The following FAM234B variants were observed in gnomAD, a reference collection of about 807,000 sequenced individuals.
FAM234B encodes the protein protein FAM234B.
A neutral mutation model predicts 69.3 loss-of-function variants in FAM234B; 33 were observed. The observed-to-expected ratio is 0.48, with a 90% CI of 0.36 to 0.64. The LOEUF (loss-of-function observed/expected upper bound fraction) is 0.64, where lower values mean the gene tolerates loss of function less well. Ranked by LOEUF, FAM234B falls within the 30% of genes least tolerant of loss-of-function variation. The probability of loss-of-function intolerance (pLI) is 0.00; values close to 1 mark genes in which losing one functional copy is unlikely to be tolerated. For synonymous variants in FAM234B, 306 were observed against 306.9 expected, an observed-to-expected ratio of 1.00 and a Z score of 0.03; for missense variants, 697 against 769.7, an observed-to-expected ratio of 0.91 and a Z score of 1.12.
At chr12:13,068,192 T>G in intron 7 of FAM234B, 112 bp from the exon 8 acceptor site, 1 of 999,322 alleles carries the variant, frequency 1.0e-6, no homozygotes. Context: ...TGGTGGGGCA[T>G]GAATACAAGA....
chr12:13,051,159 C>A (rs1338936379), intron 1 of FAM234B, among the ~76,000 whole-genome samples: 2 of 152,210 alleles, frequency 1.3e-5, no homozygotes, highest in African/African-American at 2.4e-5. Flanking sequence ...ACAGACCAAT[C>A]TGACAGCAGC....
intron 7 of FAM234B, 23 bp from the exon 8 acceptor site, chr12:13,068,281 C>T (rs781290834): frequency 5.0e-6 from 8 of 1,613,632 alleles, no homozygotes; most frequent in African/African-American, 2.7e-5. Context: ...AGAGACTAAC[C>T]GTTGGGGTCT....
intron 10 of FAM234B, among the ~76,000 whole-genome samples, chr12:13,072,729 C>CAA (rs55734917): frequency 4.4e-5 from 4 of 89,996 alleles, no homozygotes; most frequent in Non-Finnish European, 5.4e-5. Flanking sequence ...GACTTTGTCT[C>CAA]AAAAAAAAAA....
Position 13,046,635 on chromosome 12 carries a change from T to A in FAM234B, c.37+2195T>A, listed in dbSNP as rs921816070. ...ACCACAATGCCCAGCTAATTTTGTA[T>A]TTTTAGTAGAGACAGGGTTTCTCCA... On this transcript the variant is annotated intron_variant, in intron 1 of 12. Transcript: ENST00000197268. Among the ~76,000 whole-genome samples the A allele has an allele frequency of 2.0e-5, 3 of 152,276 alleles. No homozygotes were observed. The South Asian group carries it at 6.2e-4, about 32-fold the overall frequency.
Position 13,079,816 on chromosome 12 carries a change from C to T in FAM234B, c.1670C>T (p.Ala557Val), listed in dbSNP as rs201437931. The part of the protein sequence containing the change: ...EVGINDLWKD[A>V]FYVTRTTGPS... ...GGAATTAACGACCTCTGGAAAGATG[C>T]CTTTTATGTTACCAGGACAACAGGG... The change falls in exon 12 of 13, where the codon GCC (alanine) becomes GTC (valine). Residue 557 changes from alanine to valine, a missense_variant. This residue lies in a region of FAM234B where 313 missense variants were observed against 305.5 expected (regional missense o/e 1.02). Coordinates refer to ENST00000197268, the MANE Select transcript of FAM234B (RefSeq NM_020853.2). 1 of 1,613,774 alleles carries T rather than the reference C, an allele frequency of 6.2e-7. No homozygotes were observed. Among genetic ancestry groups the T allele is most frequent in the Non-Finnish European group, 8.5e-7 (1 of 1,179,778 alleles).
At position 13,044,499 on chromosome 12, in the gene FAM234B, C is replaced by A; in HGVS notation, c.37+59C>A. The A allele has an allele frequency of 6.5e-7, 1 of 1,533,020 alleles. No individual in the cohort carries two copies. Among genetic ancestry groups the A allele is most frequent in the Non-Finnish European group, 8.8e-7 (1 of 1,131,926 alleles). The allele number at this position is 1,533,020 out of a possible 1,614,324, so 95.0% of individuals were successfully genotyped here. ...CCGCCGGTGTTGGAATAAGGGGAGGCGAGGCTCTGGGGGCGAGGCCGGTCG... is the reference window on the plus strand; with the variant it reads ...CCGCCGGTGTTGGAATAAGGGGAGGAGAGGCTCTGGGGGCGAGGCCGGTCG... On this transcript the variant is annotated intron_variant, in intron 1 of 12. Coordinates refer to ENST00000197268, the MANE Select transcript of FAM234B (RefSeq NM_020853.2). The surrounding 1 kb of genome is among the most constrained non-coding windows in gnomAD (Gnocchi z 5.6).
In FAM234B at chr12:13,055,595, G is replaced by GCGT. The variant is rs1286036133; in HGVS notation, c.83_84insGTC (p.Ala28_Asp29insSer). ...AGGGGAGTATGATCCACTTACCCAGGCTGACAGTGATGAGAGCGAAGACGA... is the reference window on the plus strand; with the variant it reads ...AGGGGAGTATGATCCACTTACCCAGGCGTCTGACAGTGATGAGAGCGAAGACGA... On this transcript the variant is annotated inframe_insertion, in exon 2 of 13. Transcript: ENST00000197268. 1 of 1,613,156 alleles carries GCGT rather than the reference G, an allele frequency of 6.2e-7. No individual in the cohort carries two copies. Among genetic ancestry groups the GCGT allele is most frequent in the East Asian group, 2.2e-5 (1 of 44,828 alleles).
At chr12:13,050,311 T>A (rs914521972) in intron 1 of FAM234B, among the ~76,000 whole-genome samples, 2 of 152,218 alleles carry the variant, frequency 1.3e-5, no homozygotes, top group African/African-American at 4.8e-5. Flanking sequence ...TAATTTTTTT[T>A]ATGTTAAACT....
In FAM234B at chr12:13,057,735, G is replaced by A. The variant is rs73068954; in HGVS notation, c.434-716G>A. On this transcript the variant is annotated intron_variant, in intron 2 of 12. Transcript: ENST00000197268. The stretch of plus-strand genomic sequence containing the variant: ...TGGGTGGTGGGGGGATGGAAGTCCA[G>A]ACTCCTCACTAGGCCTCTGCTGACA... Among the ~76,000 whole-genome samples the A allele has an allele frequency of 3.3e-3, 501 of 152,326 alleles. 2 individuals are homozygous for A. The highest frequency in any genetic ancestry group is 0.02 in the Middle Eastern group (6 of 294).
chr12:13,051,186 G>A (rs944975556), intron 1 of FAM234B, among the ~76,000 whole-genome samples: 1 of 152,142 alleles, frequency 6.6e-6, no homozygotes, highest in South Asian at 2.1e-4. Flanking sequence ...CTCAAAGAAT[G>A]CTTCAAATTG....
chr12:13,049,048 T>C (rs1304166829), intron 1 of FAM234B, among the ~76,000 whole-genome samples: 2 of 152,240 alleles, frequency 1.3e-5, no homozygotes, highest in Non-Finnish European at 2.9e-5. Context: ...ACAATTCAAG[T>C]TGAGATTTGG....
chr12:13,053,566 G>C (rs1482061220), intron 1 of FAM234B, among the ~76,000 whole-genome samples: 2 of 152,176 alleles, frequency 1.3e-5, no homozygotes, highest in Non-Finnish European at 2.9e-5. Flanking sequence ...GATTTTAAAA[G>C]GGGAGGGGGT....
chr12:13,063,581 C>T (rs889739442), intron 5 of FAM234B, among the ~76,000 whole-genome samples: 1 of 152,184 alleles, frequency 6.6e-6, no homozygotes, highest in African/African-American at 2.4e-5. Context: ...GACTTTGATT[C>T]AGGACAGTGG....
intron 7 of FAM234B, 31 bp from the exon 8 acceptor site, chr12:13,068,273 A>G: frequency 6.2e-7 from 1 of 1,613,720 alleles, no homozygotes; most frequent in Non-Finnish European, 8.5e-7. Flanking sequence ...TCCAAGCCAG[A>G]GACTAACCGT....
At position 13,055,941 on chromosome 12, in the gene FAM234B, A is replaced by C; in HGVS notation, c.428A>C (p.Gln143Pro). The C allele has an allele frequency of 6.4e-7, 1 of 1,557,076 alleles. No homozygotes were observed. The highest frequency in any genetic ancestry group is 1.4e-5 in the African/African-American group (1 of 73,380). The change falls in exon 2 of 13, where the codon CAG becomes CCG. Residue 143 changes from glutamine (Q) to proline (P), a missense_variant. By Grantham distance (76) the Gln-to-Pro change is moderately conservative. This residue lies in a region of FAM234B where 380 missense variants were observed against 447.1 expected (regional missense o/e 0.85). Transcript: ENST00000197268. ...HSTWSRHLGS[Q>P]GGGDLSPLEL... ...ACCTGGAGCCGCCACTTGGGCTCCC[A>C]GGGAGGTGAGCTGCAGAATCTTCAG... is the stretch of plus-strand genomic sequence containing the variant.
chr12:13,076,256 G>A (rs1002388720), intron 11 of FAM234B, 113 bp downstream of exon 11: 28 of 815,748 alleles, frequency 3.4e-5, no homozygotes, highest in Middle Eastern at 2.8e-4. Context: ...CTTCTCAGAC[G>A]ACAGCAGGGC....
rs553248355 is a variant in FAM234B at position 13,067,852 on chromosome 12, A to T, written c.1143-452A>T. On this transcript the variant is annotated intron_variant, in intron 7 of 12. Transcript: ENST00000197268. This position sits in a 1 kb window ranked among gnomAD's most constrained non-coding sequence, Gnocchi z 4.7. Reference sequence around the variant, plus strand: ...TTCTAGCATTTTCTTAGGCAGTATCATGGTGTTTTGGTGACTTTGACAGGT... The same window carrying T: ...TTCTAGCATTTTCTTAGGCAGTATCTTGGTGTTTTGGTGACTTTGACAGGT... Among the ~76,000 whole-genome samples, 1 of 152,174 alleles carries T rather than the reference A, an allele frequency of 6.6e-6. No individual in the cohort carries two copies. Among genetic ancestry groups the T allele is most frequent in the Admixed American group, 6.5e-5 (1 of 15,278 alleles).
In FAM234B at chr12:13,062,966, G is replaced by A; in HGVS notation, c.843G>A (p.Gly281=). ...GVRDLVVLAI[G]ELQPDLCFLL... ...GAGACCTTGTGGTTCTGGCCATTGG[G>A]GAATTGCAGGTATGATCTCTATTAA... The change falls in exon 5 of 13, where the codon GGG becomes GGA. Residue 281 remains glycine, a synonymous_variant. Coordinates refer to ENST00000197268, the MANE Select transcript of FAM234B (RefSeq NM_020853.2). 3 of 1,613,852 alleles carry A rather than the reference G, an allele frequency of 1.9e-6. No individual in the cohort carries two copies. Among genetic ancestry groups the A allele is most frequent in the Non-Finnish European group, 2.5e-6 (3 of 1,179,822 alleles).
At chr12:13,073,321 T>G (rs1202443936) in intron 10 of FAM234B, among the ~76,000 whole-genome samples, 1 of 152,136 alleles carries the variant, frequency 6.6e-6, no homozygotes, top group Non-Finnish European at 1.5e-5. Context: ...AGCCTTAACG[T>G]CAACATAATG....
Sources: allele counts gnomAD v4.1 joint callset (sites outside exome capture counted in the v4.1 genomes callset), GRCh38; gene constraint gnomAD v4.1.1; regional missense constraint gnomAD v4.1.1; non-coding constraint Gnocchi (gnomAD v3.1); transcripts MANE v1.5; gene names NCBI Gene and HGNC (gene_info 2026-07-23, HGNC 2026-07-21).